ZHX2: variants seen among roughly 807,000 people sequenced by gnomAD.
ZHX2 encodes the protein zinc fingers and homeoboxes 2.
In ZHX2, 6 loss-of-function variants were observed where a neutral mutation model predicts 21.9. The ratio of observed to expected loss-of-function variants is 0.27; its 90% CI spans 0.15 to 0.54. ZHX2 has a LOEUF of 0.54. Among genes scored for constraint, ZHX2 ranks in the 20% least tolerant of loss-of-function variants. ZHX2 has a pLI of 0.95. For synonymous variants in ZHX2, 434 were observed against 437.1 expected (o/e 0.99, Z 0.09); for missense variants, 908 against 1,090.7 (o/e 0.83, Z 2.36).
At chr8:122,949,882 C>A (rs1214353506) in intron 2 of ZHX2, among the ~76,000 whole-genome samples, 12 of 152,080 alleles carry the variant, frequency 7.9e-5, no homozygotes, top group Non-Finnish European at 1.8e-4. Context: ...GGTGACAGAG[C>A]CAGACCCTGT....
At chr8:122,890,474 T>C in intron 2 of ZHX2, among the ~76,000 whole-genome samples, 1 of 152,168 alleles carries the variant, frequency 6.6e-6, no homozygotes, top group East Asian at 1.9e-4. Flanking sequence ...ATTTTAGGAT[T>C]TTTTTCTATT....
intron 2 of ZHX2, among the ~76,000 whole-genome samples, chr8:122,873,430 T>A (rs1324809788): frequency 6.6e-6 from 1 of 152,046 alleles, no homozygotes; most frequent in Non-Finnish European, 1.5e-5. Flanking sequence ...TTCTCTCCAC[T>A]CCCCTGCAGC....
intron 3 of ZHX2, among the ~76,000 whole-genome samples, chr8:122,955,084 G>A (rs1337297037): frequency 2.3e-5 from 3 of 131,656 alleles, no homozygotes; most frequent in Non-Finnish European, 4.7e-5. Flanking sequence ...GGGGGGGGGT[G>A]GCAGGGCGGT....
At chr8:122,833,941 G>A in intron 1 of ZHX2, among the ~76,000 whole-genome samples, 2 of 151,770 alleles carry the variant, frequency 1.3e-5, no homozygotes, top group Non-Finnish European at 2.9e-5. Flanking sequence ...AGCTTGCAGT[G>A]AGCTGAGATC....
At chr8:122,937,589 T>A (rs932289865) in intron 2 of ZHX2, among the ~76,000 whole-genome samples, 2 of 152,014 alleles carry the variant, frequency 1.3e-5, no homozygotes, top group African/African-American at 4.8e-5. Flanking sequence ...ATTATCTTTT[T>A]TTTTTTTTTA....
intron 1 of ZHX2, among the ~76,000 whole-genome samples, chr8:122,821,086 C>T (rs1426941940): frequency 6.6e-6 from 1 of 152,178 alleles, no homozygotes; most frequent in Non-Finnish European, 1.5e-5. Flanking sequence ...GCCACACAGC[C>T]GTTCACATCT....
chr8:122,797,917 C>T (rs1360161526), intron 1 of ZHX2, among the ~76,000 whole-genome samples: 4 of 152,156 alleles, frequency 2.6e-5, no homozygotes, highest in Non-Finnish European at 5.9e-5. Context: ...GAGGGTTCAG[C>T]GTGCCAGGCC....
intron 2 of ZHX2, among the ~76,000 whole-genome samples, chr8:122,901,170 G>C (rs544901137): frequency 6.6e-6 from 1 of 152,080 alleles, no homozygotes; most frequent in African/African-American, 2.4e-5. Context: ...AACTCATAAT[G>C]GTGCTGTATA....
At chr8:122,940,536 C>T (rs949073384) in intron 2 of ZHX2, among the ~76,000 whole-genome samples, 1 of 152,118 alleles carries the variant, frequency 6.6e-6, no homozygotes, top group African/African-American at 2.4e-5. Context: ...CAGCAGGCGG[C>T]GTGAAGCAGC....
chr8:122,817,977 G>C (rs1818069315), intron 1 of ZHX2, among the ~76,000 whole-genome samples: 1 of 152,158 alleles, frequency 6.6e-6, no homozygotes, highest in South Asian at 2.1e-4. Context: ...TCAGCCCTCA[G>C]TGTTCCCACC....
chr8:122,825,021 T>C (rs537467853), intron 1 of ZHX2, among the ~76,000 whole-genome samples: 20 of 152,304 alleles, frequency 1.3e-4, no homozygotes, highest in Admixed American at 7.2e-4. Context: ...TAAAGACCCT[T>C]GTGATCACAT....
At chr8:122,837,483 C>T (rs1369918651) in intron 1 of ZHX2, among the ~76,000 whole-genome samples, 1 of 152,214 alleles carries the variant, frequency 6.6e-6, no homozygotes, top group African/African-American at 2.4e-5. Context: ...AACACCCACC[C>T]TCCTTTCCAA....
At position 122,925,778 on chromosome 8, in the gene ZHX2, G is replaced by A. The variant is rs149271941; in HGVS notation, c.-219-25514G>A. ...GCTCTCTAAGCAGGGCTTTGAAGACGACATGGAGGAACTTGGACAATATTT... is the reference window on the plus strand; with the variant it reads ...GCTCTCTAAGCAGGGCTTTGAAGACAACATGGAGGAACTTGGACAATATTT... On this transcript the variant is annotated intron_variant, in intron 2 of 3. Coordinates refer to ENST00000314393, the MANE Select transcript of ZHX2 (RefSeq NM_014943.5). Among the ~76,000 whole-genome samples the A allele has an allele frequency of 6.6e-3, 1,010 of 152,280 alleles. 8 individuals carry two copies. The highest frequency in any genetic ancestry group is 0.027 in the South Asian group (132 of 4,822).
chr8:122,943,447 T>C (rs773595383), intron 2 of ZHX2, among the ~76,000 whole-genome samples: 7 of 152,172 alleles, frequency 4.6e-5, no homozygotes, highest in Non-Finnish European at 8.8e-5. Context: ...AGTGTCCACG[T>C]AGGGTTTCTG....
At position 122,953,400 on chromosome 8, in the gene ZHX2, G is replaced by T; in HGVS notation, c.1890G>T (p.Ser630=). ...TAACAAGTTCTCTGCCCAGCCCTTC[G>T]CCAGCAATTGCAAAAAGTCAAGAAC... The part of the protein sequence containing the change: ...AQLTSSLPSP[S]PAIAKSQEQV... Residue 630 remains serine (S), a synonymous_variant, in exon 3 of 4, where the codon TCG becomes TCT. Coordinates refer to ENST00000314393, the MANE Select transcript of ZHX2 (RefSeq NM_014943.5). The surrounding 1 kb of genome is among the most constrained non-coding windows in gnomAD (Gnocchi z 4.6). 1 of 1,614,126 alleles carries T rather than the reference G, an allele frequency of 6.2e-7. No individual in the cohort carries two copies. The highest frequency in any genetic ancestry group is 8.5e-7 in the Non-Finnish European group (1 of 1,180,044).
At chr8:122,910,796 T>C (rs1222704477) in intron 2 of ZHX2, among the ~76,000 whole-genome samples, 2 of 152,014 alleles carry the variant, frequency 1.3e-5, no homozygotes, top group African/African-American at 2.4e-5. Context: ...GGCAAGGGAA[T>C]GGGATCAGTG....
At chr8:122,960,657 G>C (rs188823988) in intron 3 of ZHX2, among the ~76,000 whole-genome samples, 1 of 152,286 alleles carries the variant, frequency 6.6e-6, no homozygotes, top group East Asian at 1.9e-4. Context: ...ATTCCAGACA[G>C]AAGAAACAAC....
At chr8:122,850,526 G>C (rs1213292943) in intron 1 of ZHX2, among the ~76,000 whole-genome samples, 1 of 151,686 alleles carries the variant, frequency 6.6e-6, no homozygotes, top group African/African-American at 2.4e-5. Context: ...TGTAATCCCA[G>C]CTACTCGGGA....
chr8:122,958,637 C>T (rs1813365649), intron 3 of ZHX2, among the ~76,000 whole-genome samples: 1 of 152,210 alleles, frequency 6.6e-6, no homozygotes, highest in Admixed American at 6.5e-5. Flanking sequence ...CCTTATGTTC[C>T]TCAGCCAACA....
Sources: gnomAD v4.1 joint callset for allele counts (sites outside exome capture counted in the v4.1 genomes callset) on GRCh38, gnomAD v4.1.1 for gene constraint, Gnocchi (gnomAD v3.1) non-coding constraint, MANE v1.5 for transcripts, NCBI Gene and HGNC (gene_info 2026-07-23, HGNC 2026-07-21) for gene names.